Variants in GBF1 observed in about 807,000 individuals in gnomAD.
GBF1 encodes golgi brefeldin A resistant guanine nucleotide exchange factor 1.
Under a neutral mutation model 210.5 loss-of-function variants are expected in GBF1, and 114 were observed. The observed-to-expected ratio is 0.54, with a 90% confidence interval of 0.47 to 0.63. The LOEUF (loss-of-function observed/expected upper bound fraction) is 0.63, where lower values mean the gene tolerates loss of function less well. Among genes scored for constraint, GBF1 ranks in the 30% least tolerant of loss-of-function variants. The pLI, the probability that GBF1 is intolerant of heterozygous loss-of-function variation, is 0.00. For missense variants in GBF1, 1,851 were observed against 2,357.7 expected (o/e 0.79, Z 4.45); for synonymous variants, 850 against 889.2 (o/e 0.96, Z 0.78).
rs753447028 is a variant in GBF1, at chr10:102,259,051, T to TAAATAGCCTGGTC, written c.96+19_96+31dup. 1 of 1,319,416 alleles carries TAAATAGCCTGGTC rather than the reference T, an allele frequency of 7.6e-7. No homozygotes were observed. The highest frequency in any genetic ancestry group is 1.4e-5 in the African/African-American group (1 of 69,302). 81.7% of individuals were successfully genotyped at this position (1,319,416 alleles called of 1,614,324 possible). A position where few individuals can be genotyped will look rare whatever the true frequency, so the allele number is the denominator to read the frequency against. On this transcript the variant is annotated intron_variant, in intron 2 of 39. Coordinates refer to ENST00000369983, the MANE Select transcript of GBF1 (RefSeq NM_001377137.1). ...ACACCACTGGTAAGTGGGAAATGGATAAATAGCCTGGTCACTAAGTTTTTA... is the reference window on the plus strand; with the variant it reads ...ACACCACTGGTAAGTGGGAAATGGATAAATAGCCTGGTCAAATAGCCTGGTCACTAAGTTTTTA...
At position 102,363,707 on chromosome 10, in the gene GBF1, T is replaced by C. The variant is rs1382219255; in HGVS notation, c.2018-3T>C. 1 of 1,600,310 alleles carries C rather than the reference T, an allele frequency of 6.2e-7. No homozygotes were observed. Among genetic ancestry groups the C allele is most frequent in the Non-Finnish European group, 8.6e-7 (1 of 1,167,406 alleles). Reference sequence around the variant, plus strand: ...ATTTCCCCCCTCTTCTTCCTACTCCTAGCTGACAAAAAGTTTGCCCGGAAG... The same window carrying C: ...ATTTCCCCCCTCTTCTTCCTACTCCCAGCTGACAAAAAGTTTGCCCGGAAG... On this transcript the variant is annotated splice_polypyrimidine_tract_variant and splice_region_variant and intron_variant, in intron 16 of 39. Coordinates refer to ENST00000369983, the MANE Select transcript of GBF1 (RefSeq NM_001377137.1). The surrounding 1 kb of genome is among the most constrained non-coding windows in gnomAD (Gnocchi z 4.2).
intron 3 of GBF1, among the ~76,000 whole-genome samples, chr10:102,283,811 G>A (rs1366024937): frequency 1.3e-5 from 2 of 152,168 alleles, no homozygotes; most frequent in Admixed American, 6.5e-5. Flanking sequence ...AAGTACCTGT[G>A]TTTCCAAAGA....
intron 3 of GBF1, among the ~76,000 whole-genome samples, chr10:102,302,084 G>A (rs993855867): frequency 4.6e-5 from 7 of 152,160 alleles, no homozygotes; most frequent in African/African-American, 1.4e-4. Context: ...CCAACACAGC[G>A]AAACCCCGTC....
chr10:102,323,537 C>T (rs936954690), intron 3 of GBF1, among the ~76,000 whole-genome samples: 2 of 150,208 alleles, frequency 1.3e-5, no homozygotes, highest in African/African-American at 4.9e-5. Context: ...TCAGTGTAGA[C>T]TAAGTTCTTT....
At chr10:102,379,158 G>A in intron 33 of GBF1, 126 bp from the exon 34 acceptor site, 2 of 792,948 alleles carry the variant, frequency 2.5e-6, no homozygotes, top group Non-Finnish European at 4.1e-6. Context: ...TAGCGAGGGG[G>A]TGAGGTATGG....
intron 1 of GBF1, among the ~76,000 whole-genome samples, chr10:102,246,982 G>C (rs1029567852): frequency 1.3e-5 from 2 of 152,156 alleles, no homozygotes; most frequent in African/African-American, 4.8e-5. Flanking sequence ...TTAAGAGCAG[G>C]ATCAACCTAA....
chr10:102,304,746 C>G (rs1302951694), intron 3 of GBF1, among the ~76,000 whole-genome samples: 1 of 151,816 alleles, frequency 6.6e-6, no homozygotes, highest in Admixed American at 6.6e-5. Flanking sequence ...TCCACTCCAG[C>G]CTGGGCAACA....
intron 3 of GBF1, among the ~76,000 whole-genome samples, chr10:102,318,693 C>T (rs1052995426): frequency 7.2e-5 from 11 of 152,140 alleles, no homozygotes; most frequent in Admixed American, 5.9e-4. Flanking sequence ...TCAAGGTCCC[C>T]TCCCTAAACT....
chr10:102,311,572 T>G (rs2078435184), intron 3 of GBF1, among the ~76,000 whole-genome samples: 1 of 152,242 alleles, frequency 6.6e-6, no homozygotes, highest in African/African-American at 2.4e-5. Context: ...TGATGGGAAC[T>G]TACGAACCTT....
Position 102,362,050 on chromosome 10 carries a change from CTTTTTTTTTTTTTTT to C in GBF1, c.1686+148_1686+162del, listed in dbSNP as rs1164670758. 476 of 124,756 alleles carry C rather than the reference CTTTTTTTTTTTTTTT, an allele frequency of 3.8e-3. 7 individuals carry two copies. Among genetic ancestry groups the C allele is most frequent in the Non-Finnish European group, 5.7e-3 (408 of 72,192 alleles). 7.7% of individuals were successfully genotyped at this position (124,756 alleles called of 1,614,324 possible). A position where few individuals can be genotyped will look rare whatever the true frequency, so the allele number is the denominator to read the frequency against. On this transcript the variant is annotated intron_variant, in intron 14 of 39. Transcript: ENST00000369983. ...GAAGAAAGGCATTTTCTTTTCTTTT[CTTTTTTTTTTTTTTT>C]TTTTTTTTTGAGATGGAGTCTCACT...
chr10:102,248,588 C>T (rs1245722919), intron 1 of GBF1, among the ~76,000 whole-genome samples: 1 of 151,906 alleles, frequency 6.6e-6, no homozygotes, highest in Non-Finnish European at 1.5e-5. Flanking sequence ...TTAGTGGGGA[C>T]TGTTGTGTAC....
intron 8 of GBF1, among the ~76,000 whole-genome samples, chr10:102,353,855 A>G (rs989556908): frequency 2.0e-5 from 3 of 152,160 alleles, no homozygotes; most frequent in Admixed American, 6.5e-5. Context: ...GCTCTGGCCT[A>G]TCTTTGAACC....
At chr10:102,315,892 A>G (rs894653769) in intron 3 of GBF1, among the ~76,000 whole-genome samples, 1 of 152,104 alleles carries the variant, frequency 6.6e-6, no homozygotes, top group Non-Finnish European at 1.5e-5. Context: ...AAACCAGAAT[A>G]TGCTATACTA....
chr10:102,242,680 G>A (rs938682225), upstream of GBF1, among the ~76,000 whole-genome samples: 4 of 152,008 alleles, frequency 2.6e-5, no homozygotes, highest in African/African-American at 7.3e-5. Flanking sequence ...TGTAATCCCA[G>A]CACTTTGGGA....
Position 102,299,859 on chromosome 10 carries a change from C to T in GBF1, c.163+39743C>T, listed in dbSNP as rs529767027. Among the ~76,000 whole-genome samples, 405 of 152,292 alleles carry T rather than the reference C, an allele frequency of 2.7e-3. 2 individuals are homozygous for T. The highest frequency in any genetic ancestry group is 9.4e-3 in the African/African-American group (389 of 41,558). ...ACATACCTGTGTACTACCTACTATACAGTACATAACTATATACTAAATTAT... is the reference window on the plus strand; with the variant it reads ...ACATACCTGTGTACTACCTACTATATAGTACATAACTATATACTAAATTAT... On this transcript the variant is annotated intron_variant, in intron 3 of 39. Transcript: ENST00000369983.
intron 3 of GBF1, among the ~76,000 whole-genome samples, chr10:102,317,708 G>T (rs1003277565): frequency 6.6e-6 from 1 of 151,908 alleles, no homozygotes; most frequent in Non-Finnish European, 1.5e-5. Context: ...TTTTTTTAGC[G>T]CACGCAAACA....
intron 3 of GBF1, among the ~76,000 whole-genome samples, chr10:102,271,719 A>G (rs529920767): frequency 5.3e-5 from 8 of 152,210 alleles, no homozygotes; most frequent in East Asian, 1.9e-4. Flanking sequence ...AGATGATACT[A>G]TGTAATTCAT....
At chr10:102,280,992 G>C (rs1038996094) in intron 3 of GBF1, among the ~76,000 whole-genome samples, 3 of 152,152 alleles carry the variant, frequency 2.0e-5, no homozygotes, top group African/African-American at 7.2e-5. Flanking sequence ...CAGAGCAGGA[G>C]TTGGCAGGGG....
intron 3 of GBF1, among the ~76,000 whole-genome samples, chr10:102,325,004 C>T (rs1220150923): frequency 6.6e-6 from 1 of 152,202 alleles, no homozygotes; most frequent in Non-Finnish European, 1.5e-5. Context: ...AATGCATACC[C>T]TCTCCACAGT....
Sources: gnomAD v4.1 joint callset for allele counts (sites outside exome capture counted in the v4.1 genomes callset) on GRCh38, gnomAD v4.1.1 for gene constraint, Gnocchi (gnomAD v3.1) non-coding constraint, MANE v1.5 for transcripts, NCBI Gene and HGNC (gene_info 2026-07-23, HGNC 2026-07-21) for gene names.